The following COL8A1 variants were observed in gnomAD, a reference collection of about 807,000 sequenced individuals.
The protein encoded by COL8A1 is collagen alpha-1(VIII) chain.
COL8A1 carries 21 observed loss-of-function variants against 42.7 expected under a neutral mutation model. The observed-to-expected ratio is 0.49, with a 90% confidence interval of 0.35 to 0.71. The LOEUF (loss-of-function observed/expected upper bound fraction) is 0.71, where lower values mean the gene tolerates loss of function less well. COL8A1 is among the 30% of genes least tolerant of loss of function. The pLI is 0.01. For synonymous variants in COL8A1, 367 were observed against 369.1 expected (o/e 0.99, Z 0.06); for missense variants, 788 against 962.4 (o/e 0.82, Z 2.40).
At chr3:99,726,384 T>C (rs953409517) in intron 1 of COL8A1, among the ~76,000 whole-genome samples, 2 of 151,670 alleles carry the variant, frequency 1.3e-5, no homozygotes, top group African/African-American at 4.8e-5. Context: ...TGATGGTAGT[T>C]TCTTTTGCTG....
At chr3:99,793,047 T>C (rs1942030601) in intron 3 of COL8A1, among the ~76,000 whole-genome samples, 2 of 152,200 alleles carry the variant, frequency 1.3e-5, no homozygotes, top group Non-Finnish European at 2.9e-5. Flanking sequence ...ATATTCTCTC[T>C]TAAATGTGGA....
At chr3:99,746,116 T>C (rs1028309526) in intron 2 of COL8A1, among the ~76,000 whole-genome samples, 2 of 152,164 alleles carry the variant, frequency 1.3e-5, no homozygotes, top group Admixed American at 1.3e-4. Flanking sequence ...TTTAGCCCTA[T>C]CATTAATCCC....
intron 1 of COL8A1, among the ~76,000 whole-genome samples, chr3:99,708,568 G>A (rs1004257336): frequency 3.9e-5 from 6 of 151,942 alleles, no homozygotes; most frequent in Non-Finnish European, 8.8e-5. Context: ...TTTCTTTTTC[G>A]GAAAAACCAT....
chr3:99,787,398 A>G (rs1183389965), intron 2 of COL8A1, among the ~76,000 whole-genome samples: 2 of 152,142 alleles, frequency 1.3e-5, no homozygotes, highest in Non-Finnish European at 2.9e-5. Flanking sequence ...TAACAAGTGC[A>G]TTTTAATGGC....
At chr3:99,693,041 C>T (rs1224255966) in intron 1 of COL8A1, among the ~76,000 whole-genome samples, 1 of 152,048 alleles carries the variant, frequency 6.6e-6, no homozygotes, top group African/African-American at 2.4e-5. Flanking sequence ...TGTTTGTAAT[C>T]CCAGCTACTT....
intron 1 of COL8A1, among the ~76,000 whole-genome samples, chr3:99,647,285 A>C (rs1402749766): frequency 6.6e-6 from 1 of 152,176 alleles, no homozygotes. Flanking sequence ...TTATTTCAAG[A>C]TCAGTCAGAA....
chr3:99,688,488 T>C (rs1384700194), intron 1 of COL8A1, among the ~76,000 whole-genome samples: 1 of 152,128 alleles, frequency 6.6e-6, no homozygotes, highest in Non-Finnish European at 1.5e-5. Context: ...ATAAGAACCC[T>C]GGTGATCAGA....
intron 2 of COL8A1, among the ~76,000 whole-genome samples, chr3:99,777,270 T>C (rs1941711696): frequency 6.6e-6 from 1 of 152,130 alleles, no homozygotes; most frequent in African/African-American, 2.4e-5. Flanking sequence ...CCAGATTCTA[T>C]TACCGTTTTA....
At position 99,794,066 on chromosome 3, in the gene COL8A1, T is replaced by C. The variant is rs2107459351; in HGVS notation, c.329-164T>C. Among the ~76,000 whole-genome samples the C allele has an allele frequency of 6.6e-6, 1 of 152,358 alleles. No homozygotes were observed. The highest frequency in any genetic ancestry group is 2.4e-5 in the African/African-American group (1 of 41,574). ...CATGCCAGGCCTGATTTTTAAGGTC[T>C]AGAAGATGAGCATATTATTCCTAGT... On this transcript the variant is annotated intron_variant, in intron 3 of 3. Transcript: ENST00000652472. This position sits in a 1 kb window ranked among gnomAD's most constrained non-coding sequence, Gnocchi z 4.3.
At chr3:99,773,815 G>GTGTATATATATATATATATATA (rs1403823634) in intron 2 of COL8A1, among the ~76,000 whole-genome samples, 5 of 35,900 alleles carry the variant, frequency 1.4e-4, no homozygotes, top group African/African-American at 5.4e-4. Context: ...ATATATGTGT[G>GTGTATATATATATATATATATA]TATATATATA....
intron 1 of COL8A1, among the ~76,000 whole-genome samples, chr3:99,663,847 G>A (rs1231300822): frequency 1.3e-5 from 2 of 152,006 alleles, no homozygotes; most frequent in Middle Eastern, 3.2e-3. Flanking sequence ...GATTAATGTA[G>A]GTTATTTTTT....
intron 1 of COL8A1, among the ~76,000 whole-genome samples, chr3:99,665,491 C>G (rs1011279167): frequency 6.6e-6 from 1 of 152,086 alleles, no homozygotes; most frequent in East Asian, 1.9e-4. Context: ...GACTTGATCA[C>G]CTTTCTGTTT....
At chr3:99,715,320 T>TG (rs1939964987) in intron 1 of COL8A1, among the ~76,000 whole-genome samples, 1 of 152,014 alleles carries the variant, frequency 6.6e-6, no homozygotes, top group Non-Finnish European at 1.5e-5. Flanking sequence ...GGACTATTAG[T>TG]GAAGACAGTA....
chr3:99,733,783 T>C (rs1940605949), intron 1 of COL8A1, among the ~76,000 whole-genome samples: 1 of 151,656 alleles, frequency 6.6e-6, no homozygotes. Context: ...AAAGTGTTCC[T>C]ATTTCTCCAC....
intron 1 of COL8A1, among the ~76,000 whole-genome samples, chr3:99,743,045 T>C (rs1940938166): frequency 6.6e-6 from 1 of 152,236 alleles, no homozygotes; most frequent in South Asian, 2.1e-4. Flanking sequence ...TAAATATTTA[T>C]TGAAGAATGA....
At chr3:99,734,881 G>T (rs375646352) in intron 1 of COL8A1, among the ~76,000 whole-genome samples, 1 of 152,024 alleles carries the variant, frequency 6.6e-6, no homozygotes, top group Non-Finnish European at 1.5e-5. Context: ...TTGTAAGTTG[G>T]ATTCCTAGGT....
chr3:99,790,905 C>T lies in COL8A1; in HGVS notation c.223C>T (p.Pro75Ser), dbSNP rs1221494979. 1.9e-6 allele frequency: 3 copies of T among 1,614,124 alleles called. No homozygotes were observed. The East Asian group carries it at 6.7e-5, about 36-fold the overall frequency. The change falls in exon 3 of 4, where the codon CCC becomes TCC. Residue 75 changes from proline to serine, a missense_variant. Coordinates refer to ENST00000652472, the MANE Select transcript of COL8A1 (RefSeq NM_020351.4). ...KDGLAMGKEMPHLQYGKEYPH... is the reference protein window; with the variant it reads ...KDGLAMGKEMSHLQYGKEYPH... ...TGGCCTTGCCATGGGCAAGGAGATG[C>T]CCCACTTGCAGTATGGCAAAGAGTA...
chr3:99,738,758 C>T (rs1360513640), intron 1 of COL8A1, among the ~76,000 whole-genome samples: 4 of 152,308 alleles, frequency 2.6e-5, no homozygotes, highest in East Asian at 1.9e-4. Flanking sequence ...CCACCCAGTT[C>T]GAGCTTCCTG....
intron 1 of COL8A1, among the ~76,000 whole-genome samples, chr3:99,663,680 A>G (rs1321142424): frequency 6.6e-6 from 1 of 152,174 alleles, no homozygotes; most frequent in African/African-American, 2.4e-5. Flanking sequence ...TCTATACTAG[A>G]GGAAACAAAC....
Sources: allele counts gnomAD v4.1 joint callset (sites outside exome capture counted in the v4.1 genomes callset), GRCh38; gene constraint gnomAD v4.1.1; non-coding constraint Gnocchi (gnomAD v3.1); transcripts MANE v1.5; gene names NCBI Gene and HGNC (gene_info 2026-07-23, HGNC 2026-07-21).